RPRD1A: variants seen among roughly 807,000 people sequenced by gnomAD.
RPRD1A encodes the protein regulation of nuclear pre-mRNA domain-containing protein 1A.
Under a neutral mutation model 37.8 loss-of-function variants are expected in RPRD1A, and 9 were observed. That is an observed-to-expected ratio of 0.24 (90% CI 0.14 to 0.42). RPRD1A has a LOEUF of 0.42. Ranked by LOEUF, RPRD1A falls within the 10% of genes least tolerant of loss-of-function variation. RPRD1A has a pLI of 1.00. For synonymous variants in RPRD1A, 138 were observed against 139.7 expected (o/e 0.99, Z 0.08); for missense variants, 255 against 371.0 (o/e 0.69, Z 2.57).
chr18:35,995,260 CGTTTTTTTT>C lies in RPRD1A; in HGVS notation c.790-1969_790-1961del, dbSNP rs567779141. ...GCTCTCCAATTTTTTTGCTTTTTTT[CGTTTTTTTT>C]TTTTTTTTTTTGAGACGGAGTTTCG... On this transcript the variant is annotated intron_variant, in intron 6 of 6. Transcript: ENST00000399022. Among the ~76,000 whole-genome samples, 603 of 130,406 alleles carry C rather than the reference CGTTTTTTTT, an allele frequency of 4.6e-3. 4 individuals carry two copies. The highest frequency in any genetic ancestry group is 0.016 in the Middle Eastern group (4 of 254). The allele number at this position is 130,406 out of a possible 152,430, so 85.6% of individuals were successfully genotyped here.
chr18:36,017,483 T>G (rs1910668624), intron 6 of RPRD1A, among the ~76,000 whole-genome samples: 1 of 152,222 alleles, frequency 6.6e-6, no homozygotes, highest in Admixed American at 6.5e-5. Context: ...TTCTTCCCTT[T>G]GGCCTGTTAT....
At chr18:36,029,091 T>G (rs1053262569) in intron 4 of RPRD1A, among the ~76,000 whole-genome samples, 21 of 152,286 alleles carry the variant, frequency 1.4e-4, no homozygotes, top group African/African-American at 5.1e-4. Flanking sequence ...AAATGTAACA[T>G]TCTTATCACT....
intron 2 of RPRD1A, among the ~76,000 whole-genome samples, chr18:36,033,017 A>T (rs962193937): frequency 1.3e-5 from 2 of 152,118 alleles, no homozygotes; most frequent in African/African-American, 2.4e-5. Context: ...TAAAGAATGG[A>T]AACAGGCCAG....
rs1912000150 is a variant in RPRD1A, at chr18:36,033,934, C to T, written c.152-97G>A. The T allele has an allele frequency of 5.2e-6, 5 of 962,552 alleles. No individual in the cohort carries two copies. In the African/African-American group the frequency reaches 8.2e-5, roughly 16 times the overall value. 59.6% of individuals were successfully genotyped at this position (962,552 alleles called of 1,614,324 possible). ...TTAAGCATTTTGAGAACTAAAATAA[C>T]CCTACTAACCTTTATGTATCATTTC... On this transcript the variant is annotated intron_variant, in intron 1 of 6. Transcript: ENST00000399022.
chr18:36,048,526 C>A (rs556041156), intron 1 of RPRD1A, among the ~76,000 whole-genome samples: 1 of 151,786 alleles, frequency 6.6e-6, no homozygotes, highest in Admixed American at 6.6e-5. Context: ...AAAAGAAAAA[C>A]TGCATGGTCA....
At chr18:36,060,488 A>C (rs1350284835) in intron 1 of RPRD1A, among the ~76,000 whole-genome samples, 2 of 152,200 alleles carry the variant, frequency 1.3e-5, no homozygotes, top group Non-Finnish European at 2.9e-5. Flanking sequence ...CTAAAACCAA[A>C]TTAATAAGAA....
At position 35,992,168 on chromosome 18, in the gene RPRD1A, G is replaced by A. The variant is rs1908752784; in HGVS notation, c.*983C>T. On this transcript the variant is annotated 3_prime_UTR_variant, in exon 7 of 7. Transcript: ENST00000399022. ...TATACAGTCATTCAAAAACCTTAAG[G>A]AAACATTGAAAATGTCTCAGGCTAC... is the stretch of plus-strand genomic sequence containing the variant. The A allele has an allele frequency of 6.6e-6, 1 of 152,578 alleles. No homozygotes were observed. Among genetic ancestry groups the A allele is most frequent in the Admixed American group, 6.5e-5 (1 of 15,282 alleles). 9.5% of individuals were successfully genotyped at this position (152,578 alleles called of 1,614,324 possible). A position where few individuals can be genotyped will look rare whatever the true frequency, so the allele number is the denominator to read the frequency against.
At chr18:36,066,500 G>T (rs945540739) in intron 1 of RPRD1A, among the ~76,000 whole-genome samples, 4 of 152,190 alleles carry the variant, frequency 2.6e-5, no homozygotes, top group Non-Finnish European at 5.9e-5. Flanking sequence ...GTCGCACTAG[G>T]ATAATTTTTT....
intron 4 of RPRD1A, among the ~76,000 whole-genome samples, chr18:36,028,957 C>T (rs1347908806): frequency 6.6e-6 from 1 of 152,186 alleles, no homozygotes; most frequent in Non-Finnish European, 1.5e-5. Flanking sequence ...GAGACCAGAT[C>T]CTTTATCTAG....
intron 6 of RPRD1A, among the ~76,000 whole-genome samples, chr18:36,004,609 A>C (rs1909625320): frequency 6.6e-6 from 1 of 152,204 alleles, no homozygotes; most frequent in Non-Finnish European, 1.5e-5. Flanking sequence ...TAGTTCTTTC[A>C]ATAGGTCCAA....
At chr18:36,035,873 T>C (rs912882410) in intron 1 of RPRD1A, among the ~76,000 whole-genome samples, 6 of 152,190 alleles carry the variant, frequency 3.9e-5, no homozygotes, top group Non-Finnish European at 7.4e-5. Flanking sequence ...ATTCTACTTA[T>C]TGGAGGTACT....
chr18:36,010,757 A>G (rs1910128057), intron 6 of RPRD1A, among the ~76,000 whole-genome samples: 1 of 152,244 alleles, frequency 6.6e-6, no homozygotes, highest in Admixed American at 6.5e-5. Flanking sequence ...AACTACTTCC[A>G]AGAAATCATG....
intron 6 of RPRD1A, chr18:36,025,505 G>T: frequency 5.4e-6 from 3 of 553,262 alleles, no homozygotes; most frequent in South Asian, 2.0e-5. Context: ...TGTAAACAGT[G>T]ACAAATGACC....
At chr18:35,998,897 TTG>T (rs1909252780) in intron 6 of RPRD1A, among the ~76,000 whole-genome samples, 1 of 152,184 alleles carries the variant, frequency 6.6e-6, no homozygotes, top group Non-Finnish European at 1.5e-5. Flanking sequence ...GTGACTTGCC[TTG>T]TGTGCACTGC....
intron 4 of RPRD1A, chr18:36,028,261 C>G (rs917808388): frequency 1.3e-5 from 2 of 151,664 alleles, no homozygotes; most frequent in African/African-American, 4.8e-5. Context: ...AAGGGTAGCA[C>G]ATGACAAATG....
chr18:36,025,440 G>C, intron 6 of RPRD1A: 1 of 336,344 alleles, frequency 3.0e-6, no homozygotes, highest in Non-Finnish European at 5.7e-6. Flanking sequence ...GGGGTTGTGG[G>C]GAGTGGCATC....
intron 6 of RPRD1A, among the ~76,000 whole-genome samples, chr18:35,997,183 C>T (rs959454716): frequency 1.3e-5 from 2 of 152,054 alleles, no homozygotes; most frequent in Non-Finnish European, 1.5e-5. Flanking sequence ...TCCTCCTTTA[C>T]CTGTCCAGGA....
At chr18:35,997,079 T>C (rs763758130) in intron 6 of RPRD1A, among the ~76,000 whole-genome samples, 1 of 150,766 alleles carries the variant, frequency 6.6e-6, no homozygotes, top group Non-Finnish European at 1.5e-5. Flanking sequence ...TTAAACTATA[T>C]AGAATTTTTA....
At chr18:36,001,696 T>C (rs542024834) in intron 6 of RPRD1A, among the ~76,000 whole-genome samples, 1 of 152,280 alleles carries the variant, frequency 6.6e-6, no homozygotes, top group South Asian at 2.1e-4. Context: ...CAATCTGGTT[T>C]GCGACATTCC....
Sources: gnomAD v4.1 joint callset for allele counts (sites outside exome capture counted in the v4.1 genomes callset) on GRCh38, gnomAD v4.1.1 for gene constraint, MANE v1.5 for transcripts, NCBI Gene and HGNC (gene_info 2026-07-23, HGNC 2026-07-21) for gene names.